Variants in SFXN5 observed in about 807,000 individuals in gnomAD.
The protein encoded by SFXN5 is sideroflexin 5.
Under a neutral mutation model 50.2 loss-of-function variants are expected in SFXN5, and 43 were observed. The observed-to-expected ratio is 0.86, with a 90% CI of 0.67 to 1.11. The LOEUF is 1.11. Ranked by LOEUF, SFXN5 falls within the 50% of genes least tolerant of loss-of-function variation. The pLI, the probability that SFXN5 is intolerant of heterozygous loss-of-function variation, is 0.00. For synonymous variants in SFXN5, 203 were observed against 185.8 expected (o/e 1.09, Z -0.75); for missense variants, 463 against 454.1 (o/e 1.02, Z -0.18).
chr2:73,027,591 C>T (rs1036018163), intron 3 of SFXN5, among the ~76,000 whole-genome samples: 5 of 152,302 alleles, frequency 3.3e-5, no homozygotes, highest in African/African-American at 1.2e-4. Flanking sequence ...CACTCACTCA[C>T]TCAGAGCAAC....
chr2:73,070,606 C>T (rs1055597425), intron 1 of SFXN5: 1 of 152,158 alleles, frequency 6.6e-6, no homozygotes, highest in East Asian at 1.9e-4. Flanking sequence ...GCGCGGGAGC[C>T]CGAGGGTCTG....
In SFXN5 at chr2:73,004,323, A is replaced by G. The variant is rs1007281629; in HGVS notation, c.358-2745T>C. ...GAGGAATGAGTGCGCGCGCACACAC[A>G]CACACACACACACACACACACACAC... is the stretch of plus-strand genomic sequence containing the variant. On this transcript the variant is annotated intron_variant, in intron 6 of 13. Transcript: ENST00000272433. Among the ~76,000 whole-genome samples the G allele has an allele frequency of 5.2e-3, 770 of 147,972 alleles. 7 individuals carry two copies. The highest frequency in any genetic ancestry group is 0.017 in the African/African-American group (710 of 40,922).
chr2:73,061,240 G>A (rs1361748084), intron 1 of SFXN5, among the ~76,000 whole-genome samples: 4 of 151,452 alleles, frequency 2.6e-5, no homozygotes, highest in African/African-American at 9.7e-5. Flanking sequence ...CCTAGGAGGT[G>A]GAGGTTGCAG....
intron 3 of SFXN5, among the ~76,000 whole-genome samples, chr2:73,038,630 T>TA (rs1423052989): frequency 2.6e-5 from 4 of 152,118 alleles, no homozygotes; most frequent in Non-Finnish European, 5.9e-5. Context: ...CCTTGCCTCT[T>TA]AAAAAAATTT....
chr2:72,976,996 C>T (rs181903215), intron 10 of SFXN5, among the ~76,000 whole-genome samples: 348 of 152,260 alleles, frequency 2.3e-3, no homozygotes, highest in Middle Eastern at 0.01. Context: ...AATAATCCTC[C>T]CACGGGCAGT....
chr2:73,036,234 C>G (rs1423285458), intron 3 of SFXN5, among the ~76,000 whole-genome samples: 2 of 152,174 alleles, frequency 1.3e-5, no homozygotes, highest in East Asian at 3.9e-4. Flanking sequence ...GCCATGTCAC[C>G]ACTTATCCCC....
At chr2:72,994,266 A>T (rs751770988) in intron 9 of SFXN5, among the ~76,000 whole-genome samples, 7 of 152,200 alleles carry the variant, frequency 4.6e-5, no homozygotes, top group Non-Finnish European at 7.3e-5. Context: ...AGTGCTAGCC[A>T]TTATTACTAA....
intron 3 of SFXN5, among the ~76,000 whole-genome samples, chr2:73,033,225 A>G (rs960490357): frequency 1.3e-5 from 2 of 152,268 alleles, no homozygotes; most frequent in Non-Finnish European, 2.9e-5. Flanking sequence ...ACAAATATTT[A>G]TTGAGCATCT....
chr2:72,948,686 A>G (rs929070958), intron 13 of SFXN5, among the ~76,000 whole-genome samples: 1 of 152,150 alleles, frequency 6.6e-6, no homozygotes, highest in African/African-American at 2.4e-5. Context: ...CCCGTCTCCC[A>G]TGGGCTCCCC....
chr2:72,978,785 G>A (rs1316548267), intron 10 of SFXN5, among the ~76,000 whole-genome samples: 1 of 152,064 alleles, frequency 6.6e-6, no homozygotes, highest in Non-Finnish European at 1.5e-5. Flanking sequence ...CAGCACAAGT[G>A]AAACCAAAGC....
intron 6 of SFXN5, among the ~76,000 whole-genome samples, chr2:73,016,158 C>G (rs953936038): frequency 6.6e-6 from 1 of 152,098 alleles, no homozygotes; most frequent in Non-Finnish European, 1.5e-5. Context: ...TTGTCTTGAT[C>G]AATCTTTCTA....
At chr2:73,059,207 T>A (rs1020291559) in intron 1 of SFXN5, 1 of 985,948 alleles carries the variant, frequency 1.0e-6, no homozygotes, top group Non-Finnish European at 1.2e-6. Context: ...GGCTTTATGC[T>A]AAGCGCAGCC....
intron 2 of SFXN5, among the ~76,000 whole-genome samples, chr2:73,048,451 G>C (rs1179429133): frequency 1.3e-5 from 2 of 152,290 alleles, no homozygotes; most frequent in Admixed American, 1.3e-4. Flanking sequence ...CCTGACCTCA[G>C]GTGATCCACC....
At chr2:73,053,440 T>TC (rs1186089129) in intron 2 of SFXN5, 1 of 154,100 alleles carries the variant, frequency 6.5e-6, no homozygotes, top group East Asian at 1.9e-4. Context: ...TCCTTCCCTC[T>TC]CCTTTCTCCA....
intron 10 of SFXN5, among the ~76,000 whole-genome samples, chr2:72,985,909 G>A (rs892621888): frequency 9.2e-5 from 14 of 152,226 alleles, no homozygotes; most frequent in Non-Finnish European, 1.8e-4. Flanking sequence ...CCACCTCAAG[G>A]TGACACAGCA....
chr2:73,049,037 C>A (rs1160119279), intron 2 of SFXN5: 1 of 152,192 alleles, frequency 6.6e-6, no homozygotes, highest in Non-Finnish European at 1.5e-5. Context: ...AGAAGAGCTT[C>A]CCCATTCACA....
chr2:73,063,019 C>T (rs1196915742), intron 1 of SFXN5, among the ~76,000 whole-genome samples: 1 of 152,220 alleles, frequency 6.6e-6, no homozygotes, highest in Non-Finnish European at 1.5e-5. Flanking sequence ...CAAGGCTGAC[C>T]GACTGTGGGG....
intron 13 of SFXN5, among the ~76,000 whole-genome samples, chr2:72,948,966 G>A (rs1255754525): frequency 6.6e-6 from 1 of 152,192 alleles, no homozygotes; most frequent in Non-Finnish European, 1.5e-5. Context: ...AATGCAGATG[G>A]AGTCCAGAGA....
At chr2:73,002,065 C>T (rs907840751) in intron 6 of SFXN5, among the ~76,000 whole-genome samples, 12 of 152,094 alleles carry the variant, frequency 7.9e-5, no homozygotes, top group Admixed American at 4.6e-4. Context: ...AGGATTTTTG[C>T]GAGGATTAAA....
Sources: gnomAD v4.1 joint callset for allele counts (sites outside exome capture counted in the v4.1 genomes callset) on GRCh38, gnomAD v4.1.1 for gene constraint, MANE v1.5 for transcripts, NCBI Gene and HGNC (gene_info 2026-07-23, HGNC 2026-07-21) for gene names.